Variants in MED27 observed in about 807,000 individuals in gnomAD.
MED27 encodes the protein mediator complex subunit 27.
In MED27, 30 loss-of-function variants were observed where a neutral mutation model predicts 38.2. The ratio of observed to expected loss-of-function variants is 0.79; its 90% confidence interval spans 0.59 to 1.07. MED27 has a LOEUF of 1.07. MED27 is among the 50% of genes least tolerant of loss of function. The pLI, the probability that MED27 is intolerant of heterozygous loss-of-function variation, is 0.00. For missense variants in MED27, 289 were observed against 397.5 expected, an observed-to-expected ratio of 0.73 and a Z score of 2.32; for synonymous variants, 122 against 153.5, an observed-to-expected ratio of 0.79 and a Z score of 1.52.
rs1258502102 is a variant in MED27 at position 131,889,364 on chromosome 9, CA to C, written c.681+4520del. On this transcript the variant is annotated intron_variant, in intron 5 of 7. Transcript: ENST00000292035. This position sits in a 1 kb window ranked among gnomAD's most constrained non-coding sequence, Gnocchi z 4.2. ...TAGCATTAACATAACCTAAATCCCCCAAAAAGTTAAATTCGAACGAGACACA... is the reference window on the plus strand; with the variant it reads ...TAGCATTAACATAACCTAAATCCCCCAAAAGTTAAATTCGAACGAGACACA... 6.6e-6 allele frequency among the ~76,000 whole-genome samples: 1 copy of C among 152,088 alleles called. No individual in the cohort carries two copies. Among genetic ancestry groups the C allele is most frequent in the African/African-American group, 2.4e-5 (1 of 41,396 alleles).
intron 6 of MED27, among the ~76,000 whole-genome samples, chr9:131,875,289 C>T (rs1838910801): frequency 6.6e-6 from 1 of 152,054 alleles, no homozygotes; most frequent in African/African-American, 2.4e-5. Context: ...ACTTTGTGAC[C>T]AGAAGAGCAG....
rs377503758 is a variant in MED27 at position 131,887,571 on chromosome 9, C to T, written c.682-3472G>A. On this transcript the variant is annotated intron_variant, in intron 5 of 7. Coordinates refer to ENST00000292035, the MANE Select transcript of MED27 (RefSeq NM_004269.4). ...CCTCTCCTCAGGGCCAGGAAGATTTCAGAAATTCATTTCAGGGAGCCAGGA... is the reference window on the plus strand; with the variant it reads ...CCTCTCCTCAGGGCCAGGAAGATTTTAGAAATTCATTTCAGGGAGCCAGGA... Among the ~76,000 whole-genome samples the T allele has an allele frequency of 2.7e-4, 41 of 152,232 alleles. 1 individual carries two copies. In the South Asian group the frequency reaches 7.9e-3, roughly 29 times the overall value.
chr9:132,036,993 A>G (rs1415674960), intron 2 of MED27, among the ~76,000 whole-genome samples: 1 of 152,174 alleles, frequency 6.6e-6, no homozygotes, highest in East Asian at 1.9e-4. Flanking sequence ...AGCAACGGAG[A>G]GAAAGACAGA....
chr9:132,010,737 A>G (rs1030010780), intron 3 of MED27, among the ~76,000 whole-genome samples: 1 of 152,172 alleles, frequency 6.6e-6, no homozygotes, highest in Non-Finnish European at 1.5e-5. Flanking sequence ...TTGTAGGGAC[A>G]TGGATGAAGC....
intron 3 of MED27, among the ~76,000 whole-genome samples, chr9:131,946,332 T>G (rs1045970871): frequency 1.3e-5 from 2 of 152,224 alleles, no homozygotes; most frequent in African/African-American, 4.8e-5. Context: ...CATACTATTT[T>G]CCATAATGAC....
At position 131,881,800 on chromosome 9, in the gene MED27, C is replaced by CTTTTTTTTTTTTTTTTTTT. The variant is rs61624043; in HGVS notation, c.723+2239_723+2257dup. Reference sequence around the variant, plus strand: ...CCTCCCTCCCTTCCTTCTTCTTCTTCTTTTTTTTTTTTTTTTTTTTTTTTG... The same window carrying CTTTTTTTTTTTTTTTTTTT: ...CCTCCCTCCCTTCCTTCTTCTTCTTCTTTTTTTTTTTTTTTTTTTTTTTTTTTTTTTTTTTTTTTTTTTG... On this transcript the variant is annotated intron_variant, in intron 6 of 7. Coordinates refer to ENST00000292035, the MANE Select transcript of MED27 (RefSeq NM_004269.4). Among the ~76,000 whole-genome samples the CTTTTTTTTTTTTTTTTTTT allele has an allele frequency of 1.8e-3, 111 of 60,972 alleles. 4 individuals carry two copies. The highest frequency in any genetic ancestry group is 2.6e-3 in the Non-Finnish European group (86 of 33,138). 40.0% of individuals were successfully genotyped at this position (60,972 alleles called of 152,430 possible). A position where few individuals can be genotyped will look rare whatever the true frequency, so the allele number is the denominator to read the frequency against.
intron 4 of MED27, among the ~76,000 whole-genome samples, chr9:131,918,386 A>G (rs576771291): frequency 2.6e-5 from 4 of 152,340 alleles, no homozygotes; most frequent in South Asian, 2.1e-4. Context: ...CTGGACAGAT[A>G]TAAGTGCACC....
At position 131,982,281 on chromosome 9, in the gene MED27, C is replaced by A. The variant is rs1831752186; in HGVS notation, c.479+32056G>T. ...ACCCTGAACTGCCACCTAAGAAGTC[C>A]AGCTCTTCTGCTCAAGAGATCACGT... On this transcript the variant is annotated intron_variant, in intron 3 of 7. Coordinates refer to ENST00000292035, the MANE Select transcript of MED27 (RefSeq NM_004269.4). This position sits in a 1 kb window ranked among gnomAD's most constrained non-coding sequence, Gnocchi z 4.3. 6.6e-6 allele frequency among the ~76,000 whole-genome samples: 1 copy of A among 152,188 alleles called. No homozygotes were observed. The highest frequency in any genetic ancestry group is 1.5e-5 in the Non-Finnish European group (1 of 68,042).
At position 131,974,866 on chromosome 9, in the gene MED27, C is replaced by T. The variant is rs114389774; in HGVS notation, c.480-35392G>A. On this transcript the variant is annotated intron_variant, in intron 3 of 7. Coordinates refer to ENST00000292035, the MANE Select transcript of MED27 (RefSeq NM_004269.4). ...TCACCAGTTACCTCATTTGCTGTCA[C>T]TTCCTCAGTGTTTTCCTACATCTCC... Among the ~76,000 whole-genome samples, 224 of 152,322 alleles carry T rather than the reference C, an allele frequency of 1.5e-3. 1 individual carries two copies. Among genetic ancestry groups the T allele is most frequent in the African/African-American group, 5.3e-3 (219 of 41,572 alleles).
In MED27 at chr9:131,967,903, C is replaced by T. The variant is rs555632254; in HGVS notation, c.480-28429G>A. ...GCGCATCTTGGCTCACTGCAAGCTC[C>T]GTCTCCTGGGTTCACGCCATTCTCC... On this transcript the variant is annotated intron_variant, in intron 3 of 7. Transcript: ENST00000292035. Among the ~76,000 whole-genome samples, 443 of 151,118 alleles carry T rather than the reference C, an allele frequency of 2.9e-3. 1 individual carries two copies. The highest frequency in any genetic ancestry group is 4.9e-3 in the Non-Finnish European group (333 of 67,758).
At position 132,067,690 on chromosome 9, in the gene MED27, A is replaced by G. The variant is rs1327485729; in HGVS notation, c.348+9752T>C. On this transcript the variant is annotated intron_variant, in intron 2 of 7. Coordinates refer to ENST00000292035, the MANE Select transcript of MED27 (RefSeq NM_004269.4). ...CCAAAAAAGCAAGCAAGCATGCAAC[A>G]AATTTAGCAAAATGTTCTTTTTGTT... Among the ~76,000 whole-genome samples the G allele has an allele frequency of 2.6e-5, 4 of 152,052 alleles. No homozygotes were observed. The East Asian group carries it at 7.7e-4, about 29-fold the overall frequency.
chr9:131,874,466 G>C (rs1838892243), intron 6 of MED27, among the ~76,000 whole-genome samples: 1 of 152,182 alleles, frequency 6.6e-6, no homozygotes, highest in South Asian at 2.1e-4. Context: ...CCTTGCAGGA[G>C]CCTGAGTGAA....
chr9:131,983,228 T>C (rs1831777938), intron 3 of MED27, among the ~76,000 whole-genome samples: 1 of 152,234 alleles, frequency 6.6e-6, no homozygotes, highest in African/African-American at 2.4e-5. Flanking sequence ...GGCCAGATCT[T>C]TTCATGAAGA....
At chr9:131,896,102 T>C (rs754000063) in intron 4 of MED27, among the ~76,000 whole-genome samples, 31 of 152,312 alleles carry the variant, frequency 2.0e-4, no homozygotes, top group Non-Finnish European at 4.1e-4. Flanking sequence ...GGTTTCACCA[T>C]GTTGGCCAGG....
chr9:131,936,704 G>A (rs145134670), intron 4 of MED27, among the ~76,000 whole-genome samples: 4 of 152,282 alleles, frequency 2.6e-5, no homozygotes, highest in East Asian at 1.9e-4. Context: ...TTGTCCTGCC[G>A]GGCAGGTCAG....
At chr9:131,995,204 G>T (rs749171467) in intron 3 of MED27, among the ~76,000 whole-genome samples, 6 of 152,060 alleles carry the variant, frequency 3.9e-5, no homozygotes, top group Non-Finnish European at 8.8e-5. Context: ...GACACGAAGG[G>T]TGGAAAAGCT....
chr9:132,017,185 C>T (rs1436451449), intron 2 of MED27, among the ~76,000 whole-genome samples: 1 of 152,182 alleles, frequency 6.6e-6, no homozygotes, highest in Non-Finnish European at 1.5e-5. Flanking sequence ...TGACAGGCAG[C>T]TCCTGTCCAA....
chr9:131,886,961 C>T (rs571614194), intron 5 of MED27, among the ~76,000 whole-genome samples: 9 of 152,176 alleles, frequency 5.9e-5, no homozygotes, highest in South Asian at 4.2e-4. Context: ...AGAGGAACAC[C>T]GATGTCTGAA....
rs12002785 is a variant in MED27, at chr9:132,035,067, G to C, written c.349-20600C>G. Among the ~76,000 whole-genome samples, 833 of 152,248 alleles carry C rather than the reference G, an allele frequency of 5.5e-3. 12 individuals are homozygous for C. The highest frequency in any genetic ancestry group is 0.019 in the African/African-American group (778 of 41,538). On this transcript the variant is annotated intron_variant, in intron 2 of 7. Transcript: ENST00000292035. ...TTGAAACGGTAACAATAGCCTCCAAGTGTTCACTGTGGGGCAGGCATTAAA... is the reference window on the plus strand; with the variant it reads ...TTGAAACGGTAACAATAGCCTCCAACTGTTCACTGTGGGGCAGGCATTAAA...
Sources: allele counts gnomAD v4.1 joint callset (sites outside exome capture counted in the v4.1 genomes callset), GRCh38; gene constraint gnomAD v4.1.1; non-coding constraint Gnocchi (gnomAD v3.1); transcripts MANE v1.5; gene names NCBI Gene and HGNC (gene_info 2026-07-23, HGNC 2026-07-21).